ANKS1B: variants seen among roughly 807,000 people sequenced by gnomAD.
ANKS1B encodes ankyrin repeat and sterile alpha motif domain containing 1B.
In ANKS1B, 36 loss-of-function variants were observed where a neutral mutation model predicts 148.3. That is an observed-to-expected ratio of 0.24 (90% CI 0.19 to 0.32). ANKS1B has a LOEUF of 0.32. Among genes scored for constraint, ANKS1B ranks in the 10% least tolerant of loss-of-function variants. The pLI, the probability that ANKS1B is intolerant of heterozygous loss-of-function variation, is 1.00. For synonymous variants in ANKS1B, 542 were observed against 560.8 expected (o/e 0.97, Z 0.47); for missense variants, 1,157 against 1,542.6 (o/e 0.75, Z 4.19).
At chr12:99,368,578 T>C (rs1274707980) in intron 12 of ANKS1B, among the ~76,000 whole-genome samples, 1 of 152,072 alleles carries the variant, frequency 6.6e-6, no homozygotes, top group Non-Finnish European at 1.5e-5. Context: ...AAATCCTTCA[T>C]ATGCAGTAAG....
chr12:99,135,810 G>A (rs2153777111), intron 15 of ANKS1B, among the ~76,000 whole-genome samples: 1 of 152,334 alleles, frequency 6.6e-6, no homozygotes, highest in East Asian at 1.9e-4. Flanking sequence ...CCAAGAAACA[G>A]TGGATTCAAT....
At chr12:99,077,690 C>T (rs1027040890) in intron 16 of ANKS1B, among the ~76,000 whole-genome samples, 3 of 152,140 alleles carry the variant, frequency 2.0e-5, no homozygotes, top group Non-Finnish European at 4.4e-5. Context: ...AGAGCACTAG[C>T]GTCTTTAAGA....
At chr12:99,683,347 C>T (rs1447258363) in intron 8 of ANKS1B, among the ~76,000 whole-genome samples, 1 of 152,086 alleles carries the variant, frequency 6.6e-6, no homozygotes, top group Non-Finnish European at 1.5e-5. Flanking sequence ...ACTACTTGAA[C>T]ACCTATATGC....
chr12:99,325,253 C>T (rs2086086821), intron 12 of ANKS1B, among the ~76,000 whole-genome samples: 2 of 152,026 alleles, frequency 1.3e-5, no homozygotes, highest in Admixed American at 6.6e-5. Flanking sequence ...TTGAAAAGAG[C>T]CCCTATCACA....
At chr12:99,067,254 C>G (rs1260621574) in intron 16 of ANKS1B, among the ~76,000 whole-genome samples, 2 of 152,192 alleles carry the variant, frequency 1.3e-5, no homozygotes, top group Non-Finnish European at 2.9e-5. Context: ...TGGGCACCAG[C>G]AGTTGGCAAT....
At chr12:99,449,024 G>C (rs1247931686) in intron 10 of ANKS1B, among the ~76,000 whole-genome samples, 1 of 151,286 alleles carries the variant, frequency 6.6e-6, no homozygotes. Flanking sequence ...TAGTTTATTG[G>C]TTCTTTCTTC....
intron 1 of ANKS1B, among the ~76,000 whole-genome samples, chr12:99,950,601 G>C (rs1413093580): frequency 6.6e-6 from 1 of 152,106 alleles, no homozygotes; most frequent in African/African-American, 2.4e-5. Context: ...GTTATCATTT[G>C]TTTCATTTGC....
Position 99,632,762 on chromosome 12 carries a change from TA to T in ANKS1B, c.1272+22304del, listed in dbSNP as rs1555520352. On this transcript the variant is annotated intron_variant, in intron 9 of 26. Transcript: ENST00000683438. ...ATATATATATATATATATATATATA[TA>T]TATATTTTAATTATACTTTAAGTTC... Among the ~76,000 whole-genome samples, 36 of 85,686 alleles carry T rather than the reference TA, an allele frequency of 4.2e-4. 2 individuals carry two copies. The highest frequency in any genetic ancestry group is 5.8e-4 in the Non-Finnish European group (23 of 39,744). The allele number at this position is 85,686 out of a possible 152,430, so 56.2% of individuals were successfully genotyped here. A position where few individuals can be genotyped will look rare whatever the true frequency, so the allele number is the denominator to read the frequency against.
At chr12:98,874,451 T>C (rs1388389972) in intron 17 of ANKS1B, among the ~76,000 whole-genome samples, 1 of 152,200 alleles carries the variant, frequency 6.6e-6, no homozygotes, top group Non-Finnish European at 1.5e-5. Flanking sequence ...CAAAACTAAG[T>C]GACTTTAGCT....
At chr12:99,630,461 G>T (rs12229583) in intron 9 of ANKS1B, among the ~76,000 whole-genome samples, 1 of 151,750 alleles carries the variant, frequency 6.6e-6, no homozygotes, top group Non-Finnish European at 1.5e-5. Context: ...AAAAAAAGAG[G>T]GGACTCTGGG....
chr12:98,987,697 A>G (rs1440590657), intron 17 of ANKS1B, among the ~76,000 whole-genome samples: 1 of 150,696 alleles, frequency 6.6e-6, no homozygotes, highest in East Asian at 1.9e-4. Context: ...CGGTCACAGA[A>G]CTCAAACAAA....
intron 17 of ANKS1B, among the ~76,000 whole-genome samples, chr12:98,921,342 G>A (rs1395416320): frequency 6.6e-6 from 1 of 152,102 alleles, no homozygotes; most frequent in African/African-American, 2.4e-5. Context: ...GTTATGTAAG[G>A]GTGAAGGCCC....
Position 99,443,680 on chromosome 12 carries a change from C to A in ANKS1B, c.1568G>T (p.Arg523Leu), listed in dbSNP as rs757376360. 4 of 1,611,316 alleles carry A rather than the reference C, an allele frequency of 2.5e-6. No homozygotes were observed. The South Asian group carries it at 4.4e-5, about 18-fold the overall frequency. Residue 523 changes from arginine (R) to leucine (L), a missense_variant, in exon 11 of 27, where the codon CGA becomes CTA. Physicochemically the swap from Arg to Leu is moderately radical, Grantham distance 102. Around this residue, in one of 6 missense-constraint regions of ANKS1B, gnomAD observed 661 missense variants for 642.1 expected, o/e 1.03. Transcript: ENST00000683438. ...TALKNIVKVI[R>L]PQPKQRTSIV... ...GCCATTCTGGGCACTTACCTGGGGT[C>A]GAATGACTTTTACAATATTTTTGAG...
intron 9 of ANKS1B, among the ~76,000 whole-genome samples, chr12:99,514,682 G>C (rs2096798162): frequency 6.6e-6 from 1 of 152,060 alleles, no homozygotes; most frequent in Non-Finnish European, 1.5e-5. Context: ...TTGTGTCAAA[G>C]ATAAAAATGA....
At chr12:99,599,520 A>T (rs186195425) in intron 9 of ANKS1B, among the ~76,000 whole-genome samples, 1 of 152,252 alleles carries the variant, frequency 6.6e-6, no homozygotes, top group East Asian at 1.9e-4. Context: ...ATCACTACAG[A>T]GTTAATAGTG....
intron 9 of ANKS1B, among the ~76,000 whole-genome samples, chr12:99,584,104 G>A (rs1458265105): frequency 2.0e-5 from 3 of 152,160 alleles, no homozygotes; most frequent in Non-Finnish European, 4.4e-5. Flanking sequence ...AAAAAGGTAG[G>A]CAGAGAAGGA....
chr12:98,895,107 C>A, intron 17 of ANKS1B: 1 of 984,674 alleles, frequency 1.0e-6, no homozygotes, highest in Non-Finnish European at 1.2e-6. Context: ...GGGGAGGTGT[C>A]GGCTTGGCCG....
At chr12:99,025,647 G>A (rs917477866) in intron 17 of ANKS1B, among the ~76,000 whole-genome samples, 10 of 152,102 alleles carry the variant, frequency 6.6e-5, no homozygotes, top group African/African-American at 1.4e-4. Context: ...AAGGTCAGAC[G>A]GGAACCCCAG....
intron 20 of ANKS1B, among the ~76,000 whole-genome samples, chr12:98,805,357 G>A (rs1457721517): frequency 6.6e-6 from 1 of 150,924 alleles, no homozygotes; most frequent in East Asian, 1.9e-4. Context: ...AGAGGAAAAT[G>A]TACATCATTA....
Sources: allele counts gnomAD v4.1 joint callset (sites outside exome capture counted in the v4.1 genomes callset), GRCh38; gene constraint gnomAD v4.1.1; regional missense constraint gnomAD v4.1.1; transcripts MANE v1.5; gene names NCBI Gene and HGNC (gene_info 2026-07-23, HGNC 2026-07-21).